Variants in TRAPPC9 observed in about 807,000 individuals in gnomAD.
The protein encoded by TRAPPC9 is IKK2 binding protein.
In TRAPPC9, 83 loss-of-function variants were observed where a neutral mutation model predicts 124.0. That is an observed-to-expected ratio of 0.67 (90% confidence interval 0.56 to 0.80). The LOEUF (loss-of-function observed/expected upper bound fraction) is 0.80. Among genes scored for constraint, TRAPPC9 ranks in the 30% least tolerant of loss-of-function variants. The pLI is 0.00. For synonymous variants in TRAPPC9, 638 were observed against 617.5 expected (o/e 1.03, Z -0.49); for missense variants, 1,302 against 1,508.3 (o/e 0.86, Z 2.27).
intron 7 of TRAPPC9, among the ~76,000 whole-genome samples, chr8:140,389,283 A>T (rs557916806): frequency 6.6e-6 from 1 of 152,172 alleles, no homozygotes; most frequent in Non-Finnish European, 1.5e-5. Flanking sequence ...AGGGCATATA[A>T]GTGTTCATTG....
intron 17 of TRAPPC9, among the ~76,000 whole-genome samples, chr8:140,187,380 C>T (rs2062376409): frequency 6.6e-6 from 1 of 152,106 alleles, no homozygotes; most frequent in African/African-American, 2.4e-5. Context: ...CTGAAATGCT[C>T]CAAAATTTGG....
At chr8:140,126,093 CA>C (rs967741033) in intron 17 of TRAPPC9, among the ~76,000 whole-genome samples, 1 of 152,084 alleles carries the variant, frequency 6.6e-6, no homozygotes, top group Admixed American at 6.5e-5. Flanking sequence ...ATTCTTTACA[CA>C]ATTCAAATGA....
At chr8:140,429,866 G>A (rs1274716660) in intron 4 of TRAPPC9, among the ~76,000 whole-genome samples, 2 of 151,904 alleles carry the variant, frequency 1.3e-5, no homozygotes, top group Admixed American at 6.6e-5. Flanking sequence ...GATGTTATCA[G>A]CCAGGTGTGG....
At chr8:140,233,670 C>T (rs998194831) in intron 16 of TRAPPC9, among the ~76,000 whole-genome samples, 3 of 129,412 alleles carry the variant, frequency 2.3e-5, no homozygotes, top group Non-Finnish European at 5.2e-5. Flanking sequence ...CCCTCTCTCT[C>T]CCCTACCACA....
intron 17 of TRAPPC9, among the ~76,000 whole-genome samples, chr8:140,102,539 CAT>C (rs1223057759): frequency 6.6e-6 from 1 of 152,144 alleles, no homozygotes; most frequent in African/African-American, 2.4e-5. Flanking sequence ...GAGAAGAAGA[CAT>C]AGTTTACCAT....
chr8:140,114,344 A>AC (rs1802026806), intron 17 of TRAPPC9, among the ~76,000 whole-genome samples: 1 of 151,718 alleles, frequency 6.6e-6, no homozygotes, highest in South Asian at 2.1e-4. Context: ...AAAAAAAAAA[A>AC]AAAAAAACCT....
chr8:139,788,621 G>A lies in TRAPPC9; in HGVS notation c.3056-56419C>T, dbSNP rs1290953231. Among the ~76,000 whole-genome samples, 8 of 150,394 alleles carry A rather than the reference G, an allele frequency of 5.3e-5. No individual in the cohort carries two copies. The highest frequency in any genetic ancestry group is 1.5e-4 in the African/African-American group (6 of 40,954). On this transcript the variant is annotated intron_variant, in intron 21 of 22. Transcript: ENST00000438773. This position sits in a 1 kb window ranked among gnomAD's most constrained non-coding sequence, Gnocchi z 4.9. ...CCCATGAAGAACGGTACCCACCCCC[G>A]CCCCCGTGTGAGATGCTGGCCCTGG...
chr8:140,106,173 C>T (rs1313749198), intron 17 of TRAPPC9, among the ~76,000 whole-genome samples: 1 of 152,134 alleles, frequency 6.6e-6, no homozygotes, highest in East Asian at 1.9e-4. Context: ...AAAGCCTCTC[C>T]GCCTGCTTCC....
At chr8:140,308,315 C>T (rs186713050) in intron 10 of TRAPPC9, among the ~76,000 whole-genome samples, 5 of 149,928 alleles carry the variant, frequency 3.3e-5, no homozygotes, top group Middle Eastern at 3.4e-3. Flanking sequence ...GTTCTCTAAG[C>T]GGTGGGGAGC....
intron 8 of TRAPPC9, 79 bp from the exon 9 acceptor site, chr8:140,360,272 T>C (rs1454294981): frequency 6.3e-7 from 1 of 1,589,138 alleles, no homozygotes; most frequent in Admixed American, 1.8e-5. Flanking sequence ...TTGTAAAACT[T>C]GGCAATTTGA....
chr8:140,115,833 G>A (rs977991542), intron 17 of TRAPPC9, among the ~76,000 whole-genome samples: 1 of 152,116 alleles, frequency 6.6e-6, no homozygotes, highest in Non-Finnish European at 1.5e-5. Flanking sequence ...CGGGGCCCTT[G>A]TTCTCCTTCC....
chr8:139,818,623 G>A (rs1825031195), intron 21 of TRAPPC9, among the ~76,000 whole-genome samples: 1 of 152,044 alleles, frequency 6.6e-6, no homozygotes, highest in African/African-American at 2.4e-5. Context: ...GTGGTGTGCT[G>A]GTATATGTTT....
chr8:140,382,840 T>C (rs1293623626), intron 7 of TRAPPC9, among the ~76,000 whole-genome samples: 2 of 152,158 alleles, frequency 1.3e-5, no homozygotes, highest in African/African-American at 4.8e-5. Flanking sequence ...GTTTGAGATC[T>C]GAGAACGGAC....
chr8:139,962,747 T>G (rs36169124), intron 19 of TRAPPC9, among the ~76,000 whole-genome samples: 101,312 of 122,290 alleles, frequency 0.83, 46,881 homozygotes, highest in Middle Eastern at 0.99. Flanking sequence ...CTCCCTCCCC[T>G]GTCAGCTCAG....
chr8:140,066,767 C>G (rs1467788407), intron 17 of TRAPPC9, among the ~76,000 whole-genome samples: 1 of 152,160 alleles, frequency 6.6e-6, no homozygotes, highest in East Asian at 1.9e-4. Flanking sequence ...GAAAAGGAGA[C>G]AGAGATCAAA....
At position 139,953,946 on chromosome 8, in the gene TRAPPC9, C is replaced by T. The variant is rs192945858; in HGVS notation, c.2810+34780G>A. 6.6e-5 allele frequency among the ~76,000 whole-genome samples: 10 copies of T among 152,284 alleles called. No homozygotes were observed. In the East Asian group the frequency reaches 1.3e-3, roughly 21 times the overall value. Reference sequence around the variant, plus strand: ...GACTGACCACATCCAATGCTGCAGACGATGTAGAGAACCACTGATACACTG... The same window carrying T: ...GACTGACCACATCCAATGCTGCAGATGATGTAGAGAACCACTGATACACTG... On this transcript the variant is annotated intron_variant, in intron 19 of 22. Transcript: ENST00000438773.
intron 17 of TRAPPC9, among the ~76,000 whole-genome samples, chr8:140,047,225 T>C (rs560936619): frequency 4.2e-4 from 64 of 152,280 alleles, no homozygotes; most frequent in African/African-American, 1.4e-3. Flanking sequence ...TCCTTCCACA[T>C]CACACACGCG....
At chr8:139,991,792 C>T (rs917796631) in intron 18 of TRAPPC9, among the ~76,000 whole-genome samples, 10 of 151,986 alleles carry the variant, frequency 6.6e-5, no homozygotes, top group Admixed American at 6.6e-4. Flanking sequence ...GGAGACCAGG[C>T]TGCCAGGTGA....
intron 14 of TRAPPC9, among the ~76,000 whole-genome samples, chr8:140,279,954 G>T (rs1356555610): frequency 1.3e-5 from 2 of 152,254 alleles, no homozygotes; most frequent in East Asian, 3.9e-4. Flanking sequence ...GCCACCCCCC[G>T]CCCTTTTGCT....
Sources: allele counts gnomAD v4.1 joint callset (sites outside exome capture counted in the v4.1 genomes callset), GRCh38; gene constraint gnomAD v4.1.1; non-coding constraint Gnocchi (gnomAD v3.1); transcripts MANE v1.5; gene names NCBI Gene and HGNC (gene_info 2026-07-23, HGNC 2026-07-21).